The following SLC25A37 variants were observed in gnomAD, a reference collection of about 807,000 sequenced individuals.
SLC25A37 encodes the protein solute carrier family 25 member 37.
A neutral mutation model predicts 31.0 loss-of-function variants in SLC25A37; 17 were observed. The observed-to-expected ratio is 0.55, with a 90% CI of 0.38 to 0.82. The LOEUF (loss-of-function observed/expected upper bound fraction) is 0.82. Ranked by LOEUF, SLC25A37 falls within the 40% of genes least tolerant of loss-of-function variation. SLC25A37 has a pLI of 0.00. For synonymous variants in SLC25A37, 222 were observed against 193.0 expected, an observed-to-expected ratio of 1.15 and a Z score of -1.24; for missense variants, 404 against 465.8, an observed-to-expected ratio of 0.87 and a Z score of 1.22.
At chr8:23,561,985 G>A (rs997796604) in intron 1 of SLC25A37, among the ~76,000 whole-genome samples, 6 of 152,204 alleles carry the variant, frequency 3.9e-5, no homozygotes, top group African/African-American at 1.4e-4. Context: ...TCCAAAGTGC[G>A]ATCTCAGTAG....
intron 1 of SLC25A37, among the ~76,000 whole-genome samples, chr8:23,554,292 G>A (rs1248090106): frequency 6.6e-6 from 1 of 152,226 alleles, no homozygotes; most frequent in Non-Finnish European, 1.5e-5. Flanking sequence ...GCCATACAAT[G>A]TATCAGTGCC....
rs941982774 is a variant in SLC25A37, at chr8:23,562,192, C to G, written c.211-3916C>G. ...GCCATTCTCCAAAGTGTGGGGGCCT[C>G]TCCCCTGAAGGGCGCTGCCTGGAGC... On this transcript the variant is annotated intron_variant, in intron 1 of 3. Coordinates refer to ENST00000519973, the MANE Select transcript of SLC25A37 (RefSeq NM_016612.4). 2.0e-5 allele frequency among the ~76,000 whole-genome samples: 3 copies of G among 152,234 alleles called. No individual in the cohort carries two copies. The South Asian group carries it at 6.2e-4, about 31-fold the overall frequency.
At position 23,571,923 on chromosome 8, in the gene SLC25A37, C is replaced by T. The variant is rs1802862252; in HGVS notation, c.*68C>T. 3 of 1,523,490 alleles carry T rather than the reference C, an allele frequency of 2.0e-6. No individual in the cohort carries two copies. Among genetic ancestry groups the T allele is most frequent in the Non-Finnish European group, 2.7e-6 (3 of 1,129,840 alleles). The allele number at this position is 1,523,490 out of a possible 1,614,324, so 94.4% of individuals were successfully genotyped here. On this transcript the variant is annotated 3_prime_UTR_variant, in exon 4 of 4. Coordinates refer to ENST00000519973, the MANE Select transcript of SLC25A37 (RefSeq NM_016612.4). ...TGCATCCAGCCCCTTGCCCTCTCCTCACACGTAGATCATTTTTTTTTTGCA... is the reference window on the plus strand; with the variant it reads ...TGCATCCAGCCCCTTGCCCTCTCCTTACACGTAGATCATTTTTTTTTTGCA...
chr8:23,568,321 G>T lies in SLC25A37; in HGVS notation c.440-1G>T. 6.2e-7 allele frequency: 1 copy of T among 1,613,862 alleles called. No individual in the cohort carries two copies. Among genetic ancestry groups the T allele is most frequent in the Non-Finnish European group, 8.5e-7 (1 of 1,179,842 alleles). On this transcript the variant is annotated splice_acceptor_variant, in intron 2 of 3. Coordinates refer to ENST00000519973, the MANE Select transcript of SLC25A37 (RefSeq NM_016612.4). LOFTEE classifies it high-confidence loss of function. ...GTAATTTTCTGGAGTTTGTTTTGCA[G>T]GGATAGCTGGGAGTATGGCCACCCT...
intron 1 of SLC25A37, among the ~76,000 whole-genome samples, chr8:23,539,880 T>C (rs4872144): frequency 0.38 from 57,652 of 152,092 alleles, 12,701 homozygotes; most frequent in East Asian, 0.62. Context: ...AAACCTCTCT[T>C]TGCCTTATTT....
rs571202661 is a variant in SLC25A37, at chr8:23,572,041, C to T, written c.*186C>T. 1 of 645,906 alleles carries T rather than the reference C, an allele frequency of 1.5e-6. No homozygotes were observed. Among genetic ancestry groups the T allele is most frequent in the Non-Finnish European group, 2.6e-6 (1 of 385,798 alleles). 40.0% of individuals were successfully genotyped at this position (645,906 alleles called of 1,614,324 possible). ...CCGGAAGGCTGTGTGCGGGGACATC[C>T]GAGGTGGTGGTGGACAGGAAGGACT... On this transcript the variant is annotated 3_prime_UTR_variant, in exon 4 of 4. Transcript: ENST00000519973.
chr8:23,534,880 C>T (rs1304430383), intron 1 of SLC25A37, among the ~76,000 whole-genome samples: 1 of 152,190 alleles, frequency 6.6e-6, no homozygotes, highest in Non-Finnish European at 1.5e-5. Flanking sequence ...TGATTGCCAT[C>T]ACTTTCTCTC....
At chr8:23,571,227 G>T in intron 3 of SLC25A37, 108 bp from the exon 4 acceptor site, 1 of 1,339,530 alleles carries the variant, frequency 7.5e-7, no homozygotes. Flanking sequence ...GTGTCTAACT[G>T]GCTTGTTTCT....
chr8:23,544,747 G>C (rs186788388), intron 1 of SLC25A37, among the ~76,000 whole-genome samples: 3 of 152,176 alleles, frequency 2.0e-5, no homozygotes, highest in African/African-American at 7.2e-5. Context: ...GCCATCCCCA[G>C]GGTGCCTGCA....
At chr8:23,566,442 G>A (rs1319754463) in intron 2 of SLC25A37, 106 bp downstream of exon 2, 5 of 1,492,720 alleles carry the variant, frequency 3.3e-6, no homozygotes, top group Non-Finnish European at 4.4e-6. Context: ...CGGCCCGCTT[G>A]CTCACGAATA....
At chr8:23,570,285 T>A (rs1465584807) in intron 3 of SLC25A37, among the ~76,000 whole-genome samples, 1 of 152,144 alleles carries the variant, frequency 6.6e-6, no homozygotes, top group Non-Finnish European at 1.5e-5. Context: ...TTGTACACAT[T>A]ATCTTTCTCA....
chr8:23,573,706 G>C lies in SLC25A37; in HGVS notation c.*1851G>C, dbSNP rs1471488328. 2.3e-6 allele frequency: 1 copy of C among 437,126 alleles called. No homozygotes were observed. The highest frequency in any genetic ancestry group is 2.0e-5 in the African/African-American group (1 of 49,686). The allele number at this position is 437,126 out of a possible 1,614,324, so 27.1% of individuals were successfully genotyped here. ...AGTTCCTTTTTCAGATCAGGGATGG[G>C]AAAGAGCCAAACTGGGTACCTCCCA... On this transcript the variant is annotated 3_prime_UTR_variant, in exon 4 of 4. Transcript: ENST00000519973.
At chr8:23,559,003 G>C (rs1802440347) in intron 1 of SLC25A37, among the ~76,000 whole-genome samples, 1 of 152,224 alleles carries the variant, frequency 6.6e-6, no homozygotes, top group South Asian at 2.1e-4. Flanking sequence ...CTTGGCACTT[G>C]CTGCTTCAAG....
intron 1 of SLC25A37, among the ~76,000 whole-genome samples, chr8:23,559,502 AT>A (rs1802457192): frequency 6.6e-6 from 1 of 152,134 alleles, no homozygotes; most frequent in Non-Finnish European, 1.5e-5. Context: ...ACATAACAAA[AT>A]TTCTCATCTT....
intron 1 of SLC25A37, among the ~76,000 whole-genome samples, chr8:23,539,161 A>C (rs570350949): frequency 2.6e-5 from 4 of 152,322 alleles, no homozygotes; most frequent in South Asian, 2.1e-4. Context: ...AAAACAAAAC[A>C]TGTTGAAATA....
intron 1 of SLC25A37, among the ~76,000 whole-genome samples, chr8:23,549,460 C>T (rs373838265): frequency 2.6e-5 from 4 of 152,188 alleles, no homozygotes; most frequent in African/African-American, 4.8e-5. Flanking sequence ...CCAAAAGCTT[C>T]GGAAGTAATT....
intron 1 of SLC25A37, among the ~76,000 whole-genome samples, chr8:23,546,750 G>C (rs1477946238): frequency 6.9e-6 from 1 of 145,802 alleles, no homozygotes; most frequent in East Asian, 2.1e-4. Flanking sequence ...TAATTGTGCA[G>C]GTGATAAAAT....
rs73553677 is a variant in SLC25A37, at chr8:23,539,775, A to G, written c.210+10563A>G. Among the ~76,000 whole-genome samples, 370 of 152,366 alleles carry G rather than the reference A, an allele frequency of 2.4e-3. 1 individual carries two copies. Among genetic ancestry groups the G allele is most frequent in the African/African-American group, 8.2e-3 (339 of 41,582 alleles). On this transcript the variant is annotated intron_variant, in intron 1 of 3. Transcript: ENST00000519973. The stretch of plus-strand genomic sequence containing the variant: ...ACATGCAAAGCTAATGACAGATTGT[A>G]TCAGAGGCAATGTGCTTGATTATTA...
At chr8:23,540,835 C>T (rs2314682) in intron 1 of SLC25A37, among the ~76,000 whole-genome samples, 56,638 of 151,842 alleles carry the variant, frequency 0.37, 12,223 homozygotes, top group East Asian at 0.61. Flanking sequence ...GGCAGGTCCG[C>T]TTACGCATGT....
Sources: gnomAD v4.1 joint callset for allele counts (sites outside exome capture counted in the v4.1 genomes callset) on GRCh38, gnomAD v4.1.1 for gene constraint, MANE v1.5 for transcripts, NCBI Gene and HGNC (gene_info 2026-07-23, HGNC 2026-07-21) for gene names.